Variants in TMPRSS15 observed in about 807,000 individuals in gnomAD.
The protein encoded by TMPRSS15 is enteropeptidase.
Under a neutral mutation model 125.3 loss-of-function variants are expected in TMPRSS15, and 128 were observed. The ratio of observed to expected loss-of-function variants is 1.02; its 90% CI spans 0.89 to 1.18. The LOEUF (loss-of-function observed/expected upper bound fraction) is 1.18. Among genes scored for constraint, TMPRSS15 ranks in the 50% most tolerant of loss-of-function variants. The pLI, the probability that TMPRSS15 is intolerant of heterozygous loss-of-function variation, is 0.00. For synonymous variants in TMPRSS15, 446 were observed against 423.2 expected (o/e 1.05, Z -0.66); for missense variants, 1,283 against 1,212.7 (o/e 1.06, Z -0.86).
At chr21:18,321,574 A>G (rs570249904) in intron 16 of TMPRSS15, among the ~76,000 whole-genome samples, 8 of 151,976 alleles carry the variant, frequency 5.3e-5, no homozygotes, top group Non-Finnish European at 1.2e-4. Flanking sequence ...GGATGGTCTC[A>G]ATCTCCTGCC....
intron 19 of TMPRSS15, among the ~76,000 whole-genome samples, chr21:18,295,482 T>C (rs756715205): frequency 1.3e-5 from 2 of 152,218 alleles, no homozygotes; most frequent in Non-Finnish European, 2.9e-5. Flanking sequence ...TTGTAATGAC[T>C]TACTTACATT....
intron 13 of TMPRSS15, among the ~76,000 whole-genome samples, chr21:18,338,101 T>C (rs2075410328): frequency 6.6e-6 from 1 of 152,138 alleles, no homozygotes; most frequent in Admixed American, 6.6e-5. Flanking sequence ...GATTGGAATA[T>C]AAATATGAAG....
chr21:18,396,792 A>AATCTATCTGTCTG (rs1408156983), intron 3 of TMPRSS15, among the ~76,000 whole-genome samples: 4 of 112,792 alleles, frequency 3.5e-5, no homozygotes, highest in East Asian at 3.8e-4. Context: ...AAAAAAAAAA[A>AATCTATCTGTCTG]TCTGTCTGTC....
chr21:18,317,853 C>G, intron 16 of TMPRSS15, among the ~76,000 whole-genome samples: 1 of 102,378 alleles, frequency 9.8e-6, no homozygotes, highest in East Asian at 2.9e-4. Context: ...CCATCCCATC[C>G]CATCCCATCC....
chr21:18,413,312 T>TTTCTTTCCTTCCTTCCTTCCTTCCTTCC (rs1555911458), intron 1 of TMPRSS15, among the ~76,000 whole-genome samples: 5 of 94,862 alleles, frequency 5.3e-5, no homozygotes, highest in African/African-American at 8.2e-5. Context: ...TTTTCTTTCT[T>TTTCTTTCCTTCCTTCCTTCCTTCCTTCC]TTCCTTCCTT....
intron 16 of TMPRSS15, among the ~76,000 whole-genome samples, chr21:18,326,136 T>A (rs1385284948): frequency 6.6e-6 from 1 of 152,168 alleles, no homozygotes; most frequent in Non-Finnish European, 1.5e-5. Flanking sequence ...GAGGGTCAAG[T>A]ATCCTACTTT....
At chr21:18,394,513 C>T (rs2076016478) in intron 3 of TMPRSS15, among the ~76,000 whole-genome samples, 1 of 151,048 alleles carries the variant, frequency 6.6e-6, no homozygotes, top group African/African-American at 2.4e-5. Flanking sequence ...TCATGTATGG[C>T]ATTCTCTCTC....
intron 1 of TMPRSS15, among the ~76,000 whole-genome samples, chr21:18,448,244 C>T (rs1289418489): frequency 1.3e-5 from 2 of 152,152 alleles, no homozygotes; most frequent in Non-Finnish European, 2.9e-5. Flanking sequence ...GTTGAGAATA[C>T]TGGTTATGCA....
intron 16 of TMPRSS15, among the ~76,000 whole-genome samples, chr21:18,321,974 G>T (rs1179530214): frequency 1.3e-5 from 2 of 152,130 alleles, no homozygotes; most frequent in East Asian, 1.9e-4. Context: ...CAATCAGGGG[G>T]ATTTTCCCTT....
intron 1 of TMPRSS15, among the ~76,000 whole-genome samples, chr21:18,464,098 G>T (rs1462926155): frequency 8.0e-5 from 12 of 150,044 alleles, no homozygotes; most frequent in African/African-American, 3.0e-4. Context: ...GCATGAACCC[G>T]GGAGGCAGAG....
At chr21:18,326,320 A>G (rs2075290182) in intron 16 of TMPRSS15, 112 bp downstream of exon 16, 6 of 1,369,030 alleles carry the variant, frequency 4.4e-6, no homozygotes, top group Non-Finnish European at 6.2e-6. Flanking sequence ...GAGGAAGAAT[A>G]AGTGTCACAG....
chr21:18,473,663 C>T (rs902391720), intron 1 of TMPRSS15, among the ~76,000 whole-genome samples: 11 of 151,902 alleles, frequency 7.2e-5, no homozygotes, highest in African/African-American at 2.7e-4. Flanking sequence ...GGAATTGGAC[C>T]TGAGAAGTAT....
intron 12 of TMPRSS15, among the ~76,000 whole-genome samples, chr21:18,342,721 A>G (rs1355942531): frequency 6.6e-6 from 1 of 152,200 alleles, no homozygotes; most frequent in Non-Finnish European, 1.5e-5. Flanking sequence ...GAAAGAAGGA[A>G]AAAGGAAGAG....
chr21:18,327,161 C>A (rs2075300621), intron 15 of TMPRSS15, among the ~76,000 whole-genome samples: 1 of 151,918 alleles, frequency 6.6e-6, no homozygotes, highest in Non-Finnish European at 1.5e-5. Flanking sequence ...TGTTGGAAGC[C>A]CTGAAAGTGA....
At chr21:18,292,120 A>G (rs528209096) in intron 21 of TMPRSS15, among the ~76,000 whole-genome samples, 8 of 152,354 alleles carry the variant, frequency 5.3e-5, no homozygotes, top group African/African-American at 1.4e-4. Context: ...CAAGATAATT[A>G]TGCTTTGATG....
At chr21:18,293,295 G>A (rs1248106045) in intron 21 of TMPRSS15, among the ~76,000 whole-genome samples, 4 of 152,028 alleles carry the variant, frequency 2.6e-5, no homozygotes, top group African/African-American at 7.3e-5. Context: ...GATTAACTAC[G>A]GCTGCCTCGT....
chr21:18,307,945 T>G (rs2075054437), intron 18 of TMPRSS15, among the ~76,000 whole-genome samples: 1 of 152,166 alleles, frequency 6.6e-6, no homozygotes. Flanking sequence ...CACATGGTGA[T>G]CTGCGAAAAG....
At position 18,294,363 on chromosome 21, in the gene TMPRSS15, C is replaced by G; in HGVS notation, c.2393G>C (p.Trp798Ser). ...GSNAKEGAWP[W>S]VVGLYYGGRL... ...GCCGCCATAATACAGACCCACAACC[C>G]AGGGCCAGGCCCCTTCTTTGGCATT... is the stretch of plus-strand genomic sequence containing the variant. Residue 798 changes from tryptophan to serine, a missense_variant, in exon 21 of 25, where the codon TGG becomes TCG. Transcript: ENST00000284885. 1 of 1,614,252 alleles carries G rather than the reference C, an allele frequency of 6.2e-7. No individual in the cohort carries two copies. The highest frequency in any genetic ancestry group is 8.5e-7 in the Non-Finnish European group (1 of 1,180,048).
At chr21:18,390,971 G>A (rs2075985439) in intron 3 of TMPRSS15, among the ~76,000 whole-genome samples, 1 of 152,120 alleles carries the variant, frequency 6.6e-6, no homozygotes, top group African/African-American at 2.4e-5. Flanking sequence ...TGTGAAGGGG[G>A]AAGAAGCCCT....
Sources: gnomAD v4.1 joint callset for allele counts (sites outside exome capture counted in the v4.1 genomes callset) on GRCh38, gnomAD v4.1.1 for gene constraint, MANE v1.5 for transcripts, NCBI Gene and HGNC (gene_info 2026-07-23, HGNC 2026-07-21) for gene names.